Variants in EYA2 observed in about 807,000 individuals in gnomAD.
The protein encoded by EYA2 is protein phosphatase EYA2.
EYA2 carries 31 observed loss-of-function variants against 69.2 expected under a neutral mutation model. That is an observed-to-expected ratio of 0.45 (90% CI 0.34 to 0.60). EYA2 has a LOEUF of 0.60. EYA2 is among the 20% of genes least tolerant of loss of function. The probability of loss-of-function intolerance (pLI) is 0.02; values close to 1 mark genes in which losing one functional copy is unlikely to be tolerated. For missense variants in EYA2, 622 were observed against 701.2 expected (o/e 0.89, Z 1.28); for synonymous variants, 257 against 279.4 (o/e 0.92, Z 0.80).
chr20:47,059,155 C>T (rs948805310), intron 5 of EYA2, among the ~76,000 whole-genome samples: 1 of 152,042 alleles, frequency 6.6e-6, no homozygotes, highest in Non-Finnish European at 1.5e-5. Flanking sequence ...CCTTAACACC[C>T]GAGGTGCAGG....
chr20:47,143,586 T>C (rs1600740437), intron 10 of EYA2, among the ~76,000 whole-genome samples: 1 of 152,124 alleles, frequency 6.6e-6, no homozygotes, highest in East Asian at 1.9e-4. Context: ...AAAGCATGTT[T>C]TATAAAGAGA....
At chr20:47,079,954 A>G (rs2031653399) in intron 7 of EYA2, among the ~76,000 whole-genome samples, 1 of 152,250 alleles carries the variant, frequency 6.6e-6, no homozygotes, top group Non-Finnish European at 1.5e-5. Flanking sequence ...TGGAGAGGAA[A>G]ACAAGATCTG....
chr20:47,077,513 C>G (rs2031559182), intron 7 of EYA2, among the ~76,000 whole-genome samples: 1 of 152,118 alleles, frequency 6.6e-6, no homozygotes, highest in South Asian at 2.1e-4. Context: ...AGACAGTCAT[C>G]AACAAATATT....
chr20:47,143,124 A>G lies in EYA2; in HGVS notation c.954A>G (p.Thr318=). 1 of 1,613,512 alleles carries G rather than the reference A, an allele frequency of 6.2e-7. No individual in the cohort carries two copies. The highest frequency in any genetic ancestry group is 8.5e-7 in the Non-Finnish European group (1 of 1,179,738). Residue 318 remains threonine (T), a synonymous_variant, in exon 10 of 16, where the codon ACA becomes ACG. Coordinates refer to ENST00000327619, the MANE Select transcript of EYA2 (RefSeq NM_005244.5). ...MEEMIFNLAD[T]HLFFNDLEDC... is the part of the protein sequence containing the mutation. ...AGATGATCTTCAACCTTGCAGATAC[A>G]CATCTGTTCTTCAATGACCTGGAGG...
chr20:46,965,377 C>T (rs1979709673), intron 1 of EYA2, among the ~76,000 whole-genome samples: 1 of 152,224 alleles, frequency 6.6e-6, no homozygotes, highest in Non-Finnish European at 1.5e-5. Context: ...TGTCTGCCCA[C>T]CAGCAGTGTT....
At chr20:47,060,591 T>G (rs762068013) in intron 5 of EYA2, among the ~76,000 whole-genome samples, 35 of 152,372 alleles carry the variant, frequency 2.3e-4, no homozygotes, top group Non-Finnish European at 4.7e-4. Flanking sequence ...GAATCAGGCA[T>G]GCCTGTTGGG....
chr20:46,974,735 G>T (rs1429278535), intron 1 of EYA2, among the ~76,000 whole-genome samples: 3 of 135,438 alleles, frequency 2.2e-5, no homozygotes, highest in Non-Finnish European at 5.1e-5. Flanking sequence ...GTGTGGGTTT[G>T]GTTTGGCTTT....
chr20:46,947,221 G>GA (rs1001352200), intron 1 of EYA2, among the ~76,000 whole-genome samples: 1 of 151,984 alleles, frequency 6.6e-6, no homozygotes, highest in African/African-American at 2.4e-5. Context: ...ACTCATCTTA[G>GA]AACTTTTCTC....
At chr20:47,069,363 TG>T (rs2031228427) in intron 5 of EYA2, among the ~76,000 whole-genome samples, 1 of 152,094 alleles carries the variant, frequency 6.6e-6, no homozygotes, top group African/African-American at 2.4e-5. Flanking sequence ...GGCATAGTGG[TG>T]GGCACCTGTA....
At chr20:47,183,477 C>T in intron 15 of EYA2, 86 bp downstream of exon 15, 1 of 1,238,848 alleles carries the variant, frequency 8.1e-7, no homozygotes, top group Non-Finnish European at 1.1e-6. Flanking sequence ...TGATTTCCTC[C>T]ACTCCCCGTG....
At chr20:46,953,817 A>G (rs893539015) in intron 1 of EYA2, among the ~76,000 whole-genome samples, 5 of 152,144 alleles carry the variant, frequency 3.3e-5, no homozygotes, top group Non-Finnish European at 7.4e-5. Flanking sequence ...ACTTTCCTTG[A>G]ATAGGCATAG....
chr20:47,126,778 C>T lies in EYA2; in HGVS notation c.889-16281C>T, dbSNP rs983926053. ...TTGTCCCTCAGAGGACATTTGGTGA[C>T]GTCTGGAGACATTTTTGACTGTCAC... On this transcript the variant is annotated intron_variant, in intron 9 of 15. Transcript: ENST00000327619. Among the ~76,000 whole-genome samples the T allele has an allele frequency of 7.2e-5, 11 of 152,094 alleles. 1 individual carries two copies. The East Asian group carries it at 1.7e-3, about 24-fold the overall frequency.
At position 47,055,669 on chromosome 20, in the gene EYA2, G is replaced by A. The variant is rs150007321; in HGVS notation, c.416-16516G>A. Among the ~76,000 whole-genome samples, 298 of 152,142 alleles carry A rather than the reference G, an allele frequency of 2.0e-3. 1 individual carries two copies. Among genetic ancestry groups the A allele is most frequent in the African/African-American group, 6.4e-3 (267 of 41,496 alleles). On this transcript the variant is annotated intron_variant, in intron 5 of 15. Transcript: ENST00000327619. ...GGGTCTTTGCACTTTGCTCTTTCCC[G>A]TAACCTAGAATGTTCTGTCCCCACG...
intron 1 of EYA2, among the ~76,000 whole-genome samples, chr20:46,899,184 A>G (rs1983968512): frequency 6.6e-6 from 1 of 152,254 alleles, no homozygotes; most frequent in Non-Finnish European, 1.5e-5. Flanking sequence ...GCTTCTCTGC[A>G]AAGTATGCCT....
rs542282888 is a variant in EYA2, at chr20:47,133,470, C to T, written c.889-9589C>T. Among the ~76,000 whole-genome samples the T allele has an allele frequency of 2.6e-5, 4 of 152,274 alleles. No homozygotes were observed. The South Asian group carries it at 6.2e-4, about 24-fold the overall frequency. ...CATTCTCAGAGAGATTGGGTATCTCCACAATAGCATGCTGCCTCCTTTGCT... is the reference window on the plus strand; with the variant it reads ...CATTCTCAGAGAGATTGGGTATCTCTACAATAGCATGCTGCCTCCTTTGCT... On this transcript the variant is annotated intron_variant, in intron 9 of 15. Coordinates refer to ENST00000327619, the MANE Select transcript of EYA2 (RefSeq NM_005244.5).
At chr20:47,088,482 C>A (rs1374262348) in intron 7 of EYA2, among the ~76,000 whole-genome samples, 2 of 152,160 alleles carry the variant, frequency 1.3e-5, no homozygotes, top group Non-Finnish European at 2.9e-5. Context: ...ATTACAGCAT[C>A]CAGTGGCCCC....
chr20:47,125,302 G>A (rs993741149), intron 9 of EYA2, among the ~76,000 whole-genome samples: 8 of 151,836 alleles, frequency 5.3e-5, no homozygotes, highest in Non-Finnish European at 1.0e-4. Context: ...TGATCCGCCC[G>A]CCTCGGCCTC....
At chr20:47,039,576 G>A (rs1174179874) in intron 5 of EYA2, among the ~76,000 whole-genome samples, 1 of 152,072 alleles carries the variant, frequency 6.6e-6, no homozygotes, top group Non-Finnish European at 1.5e-5. Context: ...CTGGCACTTG[G>A]GCATGCATAT....
intron 1 of EYA2, among the ~76,000 whole-genome samples, chr20:46,921,045 C>T (rs1415994105): frequency 6.6e-6 from 1 of 152,254 alleles, no homozygotes; most frequent in Non-Finnish European, 1.5e-5. Context: ...GTTGACCCTG[C>T]GGTCTCTTCT....
Sources: allele counts gnomAD v4.1 joint callset (sites outside exome capture counted in the v4.1 genomes callset), GRCh38; gene constraint gnomAD v4.1.1; transcripts MANE v1.5; gene names NCBI Gene and HGNC (gene_info 2026-07-23, HGNC 2026-07-21).